Variants in PDLIM4 observed in about 807,000 individuals in gnomAD.
PDLIM4 encodes PDZ and LIM domain 4, also known as PDZ and LIM domain protein 4.
In PDLIM4, 19 loss-of-function variants were observed where a neutral mutation model predicts 31.3. The observed-to-expected ratio is 0.61, with a 90% CI of 0.42 to 0.89. The LOEUF is 0.89. PDLIM4 is among the 40% of genes least tolerant of loss of function. The probability of loss-of-function intolerance (pLI) is 0.00; values close to 1 mark genes in which losing one functional copy is unlikely to be tolerated. For synonymous variants in PDLIM4, 176 were observed against 190.1 expected, an observed-to-expected ratio of 0.93 and a Z score of 0.61; for missense variants, 442 against 461.1, an observed-to-expected ratio of 0.96 and a Z score of 0.38.
In PDLIM4 at chr5:132,271,459, C is replaced by T; in HGVS notation, c.663C>T (p.Gly221=). 3 of 1,608,246 alleles carry T rather than the reference C, an allele frequency of 1.9e-6. No homozygotes were observed. The highest frequency in any genetic ancestry group is 1.1e-5 in the South Asian group (1 of 91,086). ...FRYLQGMLEA[G]EGGDWPGPGG... ...ACTTGCAGGGCATGCTAGAGGCCGG[C>T]GAGGGCGGTAAGACGCCTGCCACCT... Residue 221 remains glycine (G), a synonymous_variant, in exon 5 of 7, where the codon GGC becomes GGT. Coordinates refer to ENST00000253754, the MANE Select transcript of PDLIM4 (RefSeq NM_003687.4).
chr5:132,271,431 G>T lies in PDLIM4; in HGVS notation c.635G>T (p.Arg212Leu). 1 of 1,609,168 alleles carries T rather than the reference G, an allele frequency of 6.2e-7. No homozygotes were observed. ...AAEPKQSGSF[R>L]YLQGMLEAGE... ...GAGCCCAAGCAGTCAGGCTCCTTCC[G>T]CTACTTGCAGGGCATGCTAGAGGCC... is the stretch of plus-strand genomic sequence containing the variant. Residue 212 changes from arginine (R) to leucine (L), a missense_variant, in exon 5 of 7, where the codon CGC becomes CTC. Physicochemically the swap from Arg to Leu is moderately radical, Grantham distance 102. Transcript: ENST00000253754.
intron 2 of PDLIM4, among the ~76,000 whole-genome samples, chr5:132,265,696 C>A (rs1756477115): frequency 6.6e-6 from 1 of 152,168 alleles, no homozygotes; most frequent in African/African-American, 2.4e-5. Flanking sequence ...GCATTATTCC[C>A]CTTTGGTCTA....
Position 132,272,456 on chromosome 5 carries a change from G to A in PDLIM4, c.*227G>A. 1 of 574,344 alleles carries A rather than the reference G, an allele frequency of 1.7e-6. No individual in the cohort carries two copies. Among genetic ancestry groups the A allele is most frequent in the Non-Finnish European group, 3.1e-6 (1 of 318,948 alleles). 35.6% of individuals were successfully genotyped at this position (574,344 alleles called of 1,614,324 possible). A position where few individuals can be genotyped will look rare whatever the true frequency, so the allele number is the denominator to read the frequency against. ...CAGTAGTGAGCAGGACGGGTACCAT[G>A]CTGCCCTGAAGGGGGCCACAGCCTG... On this transcript the variant is annotated 3_prime_UTR_variant, in exon 7 of 7. Coordinates refer to ENST00000253754, the MANE Select transcript of PDLIM4 (RefSeq NM_003687.4).
At chr5:132,271,268 C>A in intron 4 of PDLIM4, 35 bp from the exon 5 acceptor site, 1 of 1,567,892 alleles carries the variant, frequency 6.4e-7, no homozygotes. Flanking sequence ...GCTGGAACTG[C>A]ATCCCTTCCT....
At chr5:132,264,235 T>TTCCTTCCTTCCTTCCTTCCC (rs1580799432) in intron 2 of PDLIM4, among the ~76,000 whole-genome samples, 1 of 152,178 alleles carries the variant, frequency 6.6e-6, no homozygotes, top group East Asian at 1.9e-4. Flanking sequence ...CCTTCTTTCC[T>TTCCTTCCTTCCTTCCTTCCC]TCCTTCCTTC....
At chr5:132,270,825 C>T (rs1276918392) in intron 3 of PDLIM4, 90 bp from the exon 4 acceptor site, 2 of 1,175,222 alleles carry the variant, frequency 1.7e-6, no homozygotes, top group Non-Finnish European at 2.5e-6. Context: ...CATCCACCAC[C>T]TGGCACAGCA....
chr5:132,271,245 C>A, intron 4 of PDLIM4, 58 bp from the exon 5 acceptor site: 1 of 1,540,506 alleles, frequency 6.5e-7, no homozygotes, highest in South Asian at 1.2e-5. Context: ...GACCCCAAGT[C>A]CACAGGGTGA....
intron 1 of PDLIM4, among the ~76,000 whole-genome samples, chr5:132,258,087 G>T (rs1011218135): frequency 1.3e-5 from 2 of 152,204 alleles, no homozygotes; most frequent in African/African-American, 2.4e-5. Flanking sequence ...GGCCTCATCT[G>T]GGGGAGCCAC....
intron 2 of PDLIM4, among the ~76,000 whole-genome samples, chr5:132,264,903 A>G (rs998370110): frequency 2.0e-5 from 3 of 151,908 alleles, no homozygotes; most frequent in Non-Finnish European, 4.4e-5. Context: ...AGAGAGCTCT[A>G]ATCCCCCCAC....
Position 132,272,372 on chromosome 5 carries a change from A to T in PDLIM4, c.*143A>T. ...TGCCACCCTCCTGCGCAGGCCATGC[A>T]TGGCTCCCGAGTACAGTAGTATCTG... On this transcript the variant is annotated 3_prime_UTR_variant, in exon 7 of 7. Transcript: ENST00000253754. 5.8e-6 allele frequency: 4 copies of T among 690,016 alleles called. No individual in the cohort carries two copies. The highest frequency in any genetic ancestry group is 1.0e-5 in the Non-Finnish European group (4 of 389,774). The allele number at this position is 690,016 out of a possible 1,614,324, so 42.7% of individuals were successfully genotyped here.
In PDLIM4 at chr5:132,272,328, T is replaced by A; in HGVS notation, c.*99T>A. The stretch of plus-strand genomic sequence containing the variant: ...TCTAATAAAGCTCCTCTGCTCCACC[T>A]TGAACCTGTCACCTGGCCTGCCACC... On this transcript the variant is annotated 3_prime_UTR_variant, in exon 7 of 7. Transcript: ENST00000253754. 9.9e-7 allele frequency: 1 copy of A among 1,011,782 alleles called. No individual in the cohort carries two copies. The highest frequency in any genetic ancestry group is 1.5e-6 in the Non-Finnish European group (1 of 667,028). The allele number at this position is 1,011,782 out of a possible 1,614,324, so 62.7% of individuals were successfully genotyped here.
chr5:132,257,796 G>A lies in PDLIM4; in HGVS notation c.62G>A (p.Arg21Gln). 1 of 1,505,434 alleles carries A rather than the reference G, an allele frequency of 6.6e-7. No homozygotes were observed. The highest frequency in any genetic ancestry group is 8.8e-7 in the Non-Finnish European group (1 of 1,131,488). 93.3% of individuals were successfully genotyped at this position (1,505,434 alleles called of 1,614,324 possible). A position where few individuals can be genotyped will look rare whatever the true frequency, so the allele number is the denominator to read the frequency against. The stretch of plus-strand genomic sequence containing the variant: ...TGGGGCTTCCGCCTGGTGGGCGGCC[G>A]GGACTTCAGCGCGCCCCTCACCATC... Reference protein sequence around the residue: ...SPWGFRLVGGRDFSAPLTISR... With the variant: ...SPWGFRLVGGQDFSAPLTISR... The change falls in exon 1 of 7, where the codon CGG becomes CAG. Residue 21 changes from arginine (R) to glutamine (Q), a missense_variant. Transcript: ENST00000253754. The surrounding 1 kb of genome is among the most constrained non-coding windows in gnomAD (Gnocchi z 4.3).
intron 1 of PDLIM4, 99 bp from the exon 2 acceptor site, chr5:132,262,510 C>A: frequency 8.7e-7 from 1 of 1,149,168 alleles, no homozygotes; most frequent in Non-Finnish European, 1.2e-6. Context: ...GGTAGCAGGC[C>A]ACACTGGCTA....
intron 1 of PDLIM4, among the ~76,000 whole-genome samples, chr5:132,259,394 A>T (rs1169411013): frequency 1.3e-5 from 2 of 152,144 alleles, no homozygotes; most frequent in Admixed American, 1.3e-4. Context: ...CTGCGGCAGC[A>T]GCAGCAGCAA....
intron 1 of PDLIM4, among the ~76,000 whole-genome samples, chr5:132,258,043 A>G (rs868415590): frequency 6.6e-6 from 1 of 152,198 alleles, no homozygotes; most frequent in South Asian, 2.1e-4. Context: ...CCCGCGAAGA[A>G]TCTCCCAAGA....
intron 1 of PDLIM4, chr5:132,261,657 C>T (rs139891411): frequency 6.6e-6 from 1 of 152,284 alleles, no homozygotes; most frequent in Admixed American, 6.5e-5. Flanking sequence ...CTCCACCCCC[C>T]ATTCTAGCCT....
At chr5:132,262,882 C>A in intron 2 of PDLIM4, 122 bp downstream of exon 2, 1 of 852,442 alleles carries the variant, frequency 1.2e-6, no homozygotes, top group Non-Finnish European at 1.8e-6. Context: ...GGTGCCCCAT[C>A]CAGGAACAGT....
intron 3 of PDLIM4, 115 bp downstream of exon 3, chr5:132,266,660 A>G (rs1253652980): frequency 1.6e-6 from 1 of 629,324 alleles, no homozygotes; most frequent in Non-Finnish European, 2.7e-6. Context: ...GATACCCAAG[A>G]CAGAGACTGA....
In PDLIM4 at chr5:132,272,145, G is replaced by A; in HGVS notation, c.909G>A (p.Glu303=). ...YFFLDERLYC[E]SHAKARVKPP... ...TTCTGGACGAGCGGCTCTACTGTGA[G>A]AGCCACGCCAAGGCGCGCGTGAAGC... The change falls in exon 7 of 7, where the codon GAG becomes GAA. Residue 303 remains glutamate (E), a synonymous_variant. Coordinates refer to ENST00000253754, the MANE Select transcript of PDLIM4 (RefSeq NM_003687.4). The A allele has an allele frequency of 8.1e-6, 13 of 1,614,260 alleles. No individual in the cohort carries two copies. Among genetic ancestry groups the A allele is most frequent in the Non-Finnish European group, 1.0e-5 (12 of 1,180,048 alleles).
Sources: allele counts gnomAD v4.1 joint callset (sites outside exome capture counted in the v4.1 genomes callset), GRCh38; gene constraint gnomAD v4.1.1; non-coding constraint Gnocchi (gnomAD v3.1); transcripts MANE v1.5; gene names NCBI Gene and HGNC (gene_info 2026-07-23, HGNC 2026-07-21).